Variants in TMEM232 observed in about 807,000 individuals in gnomAD.
TMEM232 encodes the protein transmembrane protein 232.
A neutral mutation model predicts 78.8 loss-of-function variants in TMEM232; 80 were observed. That is an observed-to-expected ratio of 1.01 (90% CI 0.85 to 1.22). The LOEUF is 1.22. Ranked by LOEUF, TMEM232 falls within the 50% of genes most tolerant of loss-of-function variation. The pLI, the probability that TMEM232 is intolerant of heterozygous loss-of-function variation, is 0.00. For synonymous variants in TMEM232, 297 were observed against 254.3 expected (o/e 1.17, Z -1.60); for missense variants, 881 against 742.2 (o/e 1.19, Z -2.17).
At chr5:110,661,900 T>C (rs1450501983) in intron 2 of TMEM232, among the ~76,000 whole-genome samples, 3 of 152,192 alleles carry the variant, frequency 2.0e-5, no homozygotes, top group Non-Finnish European at 4.4e-5. Context: ...TGATTAGTGA[T>C]GTTGAGAATT....
chr5:110,394,835 T>C (rs1228850816), intron 3 of TMEM232, among the ~76,000 whole-genome samples: 1 of 152,126 alleles, frequency 6.6e-6, no homozygotes, highest in East Asian at 1.9e-4. Flanking sequence ...ACCCTCAATT[T>C]TGGGCCTTCC....
At chr5:110,606,383 T>C in intron 8 of TMEM232, 96 bp from the exon 9 acceptor site, 4 of 1,169,336 alleles carry the variant, frequency 3.4e-6, no homozygotes, top group Non-Finnish European at 4.7e-6. Flanking sequence ...TCAGAGGAAA[T>C]GCATGTCTGC....
intron 12 of TMEM232, among the ~76,000 whole-genome samples, chr5:110,497,546 T>C (rs1765770432): frequency 6.6e-6 from 1 of 152,264 alleles, no homozygotes; most frequent in Admixed American, 6.5e-5. Context: ...AAGGATATTT[T>C]AATAAGGAAA....
downstream of TMEM232, among the ~76,000 whole-genome samples, chr5:110,415,584 T>C (rs1451657673): frequency 2.0e-5 from 3 of 152,028 alleles, no homozygotes; most frequent in Non-Finnish European, 4.4e-5. Context: ...ATAAGTCTCA[T>C]GACTTAGTTA....
intron 8 of TMEM232, among the ~76,000 whole-genome samples, chr5:110,615,376 T>C (rs1782799877): frequency 6.6e-6 from 1 of 151,968 alleles, no homozygotes; most frequent in Admixed American, 6.6e-5. Flanking sequence ...GTTATGGCAT[T>C]ACAAGTTATT....
chr5:110,593,826 A>G (rs1285045375), intron 10 of TMEM232, among the ~76,000 whole-genome samples: 1 of 152,108 alleles, frequency 6.6e-6, no homozygotes, highest in Non-Finnish European at 1.5e-5. Flanking sequence ...GTATAATTGG[A>G]TTGTTTGTAA....
In TMEM232 at chr5:110,669,590, A is replaced by C. The variant is rs552929668; in HGVS notation, c.-12-2226T>G. Among the ~76,000 whole-genome samples the C allele has an allele frequency of 3.2e-3, 489 of 152,208 alleles. 1 individual carries two copies. The highest frequency in any genetic ancestry group is 0.011 in the African/African-American group (463 of 41,542). On this transcript the variant is annotated intron_variant, in intron 1 of 13. Coordinates refer to ENST00000455884, the MANE Select transcript of TMEM232 (RefSeq NM_001039763.4). ...AGTACCATTCCTTCTGAAACTATTCAAATCAATAGAAAAAGAGGGAATCCT... is the reference window on the plus strand; with the variant it reads ...AGTACCATTCCTTCTGAAACTATTCCAATCAATAGAAAAAGAGGGAATCCT...
intron 12 of TMEM232, among the ~76,000 whole-genome samples, chr5:110,441,306 C>A (rs1042668301): frequency 3.9e-5 from 6 of 152,048 alleles, no homozygotes; most frequent in African/African-American, 1.4e-4. Flanking sequence ...GACAAAATTA[C>A]CCATGGTTGA....
At chr5:110,649,283 G>A (rs1041440177) in intron 2 of TMEM232, among the ~76,000 whole-genome samples, 5 of 151,984 alleles carry the variant, frequency 3.3e-5, no homozygotes, top group African/African-American at 1.2e-4. Context: ...TGTTGATGAA[G>A]ACAGCACTAG....
At chr5:110,415,093 A>T (rs939201270), downstream of TMEM232, among the ~76,000 whole-genome samples, 1 of 152,116 alleles carries the variant, frequency 6.6e-6, no homozygotes, top group Non-Finnish European at 1.5e-5. Context: ...TGTCAGACTC[A>T]GGCTCCTTAT....
chr5:110,438,452 T>C (rs969824325), intron 12 of TMEM232, among the ~76,000 whole-genome samples: 4 of 151,504 alleles, frequency 2.6e-5, no homozygotes, highest in Admixed American at 2.6e-4. Flanking sequence ...TACTAACAAA[T>C]TGTGATGCTT....
intron 12 of TMEM232, among the ~76,000 whole-genome samples, chr5:110,486,667 G>C (rs576687206): frequency 2.0e-5 from 3 of 152,148 alleles, no homozygotes; most frequent in African/African-American, 7.2e-5. Context: ...CTGTTCCATT[G>C]GTCTATGTGC....
chr5:110,534,551 C>T (rs983463480), intron 11 of TMEM232, among the ~76,000 whole-genome samples: 3 of 152,110 alleles, frequency 2.0e-5, no homozygotes, highest in Admixed American at 6.5e-5. Context: ...AGACTGTGCC[C>T]CAAAAAAACT....
intron 8 of TMEM232, among the ~76,000 whole-genome samples, chr5:110,617,735 C>T (rs1400037018): frequency 6.6e-6 from 1 of 152,044 alleles, no homozygotes; most frequent in East Asian, 1.9e-4. Context: ...GTAGGCAGAT[C>T]ACTTGAACTC....
In TMEM232 at chr5:110,664,788, G is replaced by C. The variant is rs983033616; in HGVS notation, c.125+2440C>G. Among the ~76,000 whole-genome samples the C allele has an allele frequency of 3.3e-5, 5 of 152,250 alleles. No homozygotes were observed. In the East Asian group the frequency reaches 7.7e-4, roughly 24 times the overall value. ...TGGTAGCTCTTCCACTTCTTGTAAG[G>C]ACACTAATCTCATAATGAGAGCTCC... On this transcript the variant is annotated intron_variant, in intron 2 of 13. Transcript: ENST00000455884.
intron 12 of TMEM232, among the ~76,000 whole-genome samples, chr5:110,465,202 C>A (rs1238594481): frequency 6.6e-6 from 1 of 152,240 alleles, no homozygotes; most frequent in South Asian, 2.1e-4. Context: ...GAAGATTAGA[C>A]TGTTTAGAAA....
intron 2 of TMEM232, among the ~76,000 whole-genome samples, chr5:110,649,487 T>C (rs1252347522): frequency 6.6e-6 from 1 of 152,152 alleles, no homozygotes; most frequent in Non-Finnish European, 1.5e-5. Flanking sequence ...CAAGAGTATG[T>C]ATACTTTTAA....
chr5:110,507,859 A>G (rs533316824), intron 12 of TMEM232, among the ~76,000 whole-genome samples: 135 of 152,318 alleles, frequency 8.9e-4, no homozygotes, highest in Middle Eastern at 3.4e-3. Context: ...TGCTGCCTGC[A>G]TGGCATGCAA....
chr5:110,734,278 T>C (rs1798956497), intron 2 of TMEM232, among the ~76,000 whole-genome samples: 1 of 152,194 alleles, frequency 6.6e-6, no homozygotes, highest in Non-Finnish European at 1.5e-5. Flanking sequence ...TCCAAATATC[T>C]CCTTCTGGAG....
Sources: gnomAD v4.1 joint callset for allele counts (sites outside exome capture counted in the v4.1 genomes callset) on GRCh38, gnomAD v4.1.1 for gene constraint, MANE v1.5 for transcripts, NCBI Gene and HGNC (gene_info 2026-07-23, HGNC 2026-07-21) for gene names.